Variants in SSBP2 observed in about 807,000 individuals in gnomAD.
The protein encoded by SSBP2 is single stranded DNA binding protein 2.
A neutral mutation model predicts 61.8 loss-of-function variants in SSBP2; 17 were observed. The ratio of observed to expected loss-of-function variants is 0.28; its 90% CI spans 0.19 to 0.41. SSBP2 has a LOEUF of 0.41. SSBP2 is among the 10% of genes least tolerant of loss of function. The pLI is 1.00. For synonymous variants in SSBP2, 139 were observed against 141.3 expected (o/e 0.98, Z 0.12); for missense variants, 310 against 458.7 (o/e 0.68, Z 2.96).
chr5:81,629,911 T>G (rs75213526), intron 3 of SSBP2, among the ~76,000 whole-genome samples: 10,495 of 152,292 alleles, frequency 0.069, 467 homozygotes, highest in Non-Finnish European at 0.1. Flanking sequence ...TATAATACAT[T>G]ATTATTAAAC....
chr5:81,579,028 T>C (rs72773046), intron 4 of SSBP2, among the ~76,000 whole-genome samples: 2,508 of 152,096 alleles, frequency 0.016, 30 homozygotes, highest in Non-Finnish European at 0.026. Context: ...TTAGGCATTT[T>C]TGAGTAGAGC....
intron 5 of SSBP2, among the ~76,000 whole-genome samples, chr5:81,492,587 C>CT (rs879493829): frequency 0.025 from 3,575 of 144,586 alleles, 133 homozygotes; most frequent in African/African-American, 0.076. Context: ...GGGCAACATT[C>CT]TTTTTTTTTT....
chr5:81,635,917 G>A (rs1413253297), intron 3 of SSBP2, among the ~76,000 whole-genome samples: 5 of 152,160 alleles, frequency 3.3e-5, no homozygotes, highest in Admixed American at 2.0e-4. Flanking sequence ...AGAGAGTCAA[G>A]GCTACCAAGC....
At chr5:81,650,552 T>G (rs1477432534) in intron 1 of SSBP2, among the ~76,000 whole-genome samples, 2 of 152,024 alleles carry the variant, frequency 1.3e-5, no homozygotes, top group Non-Finnish European at 2.9e-5. Flanking sequence ...AAAAGACAAA[T>G]GTATTTTTTC....
At chr5:81,731,323 T>C (rs1756249879) in intron 1 of SSBP2, among the ~76,000 whole-genome samples, 1 of 148,534 alleles carries the variant, frequency 6.7e-6, no homozygotes, top group Admixed American at 6.6e-5. Flanking sequence ...GATAAAAAAA[T>C]AGTAATAATA....
At chr5:81,521,037 T>A (rs1273513823) in intron 4 of SSBP2, among the ~76,000 whole-genome samples, 2 of 152,128 alleles carry the variant, frequency 1.3e-5, no homozygotes, top group Non-Finnish European at 2.9e-5. Flanking sequence ...TTTTAAACTT[T>A]ATGGCTATAT....
Position 81,599,644 on chromosome 5 carries a change from C to T in SSBP2, c.282+15829G>A, listed in dbSNP as rs75829045. Among the ~76,000 whole-genome samples, 531 of 152,354 alleles carry T rather than the reference C, an allele frequency of 3.5e-3. 6 individuals are homozygous for T. Among genetic ancestry groups the T allele is most frequent in the African/African-American group, 0.011 (468 of 41,592 alleles). On this transcript the variant is annotated intron_variant, in intron 4 of 16. Transcript: ENST00000320672. ...CACACGCTGTTCCCTCTGTCTAAAACAGCGTTCTTTCACTCAACTGACTCC... is the reference window on the plus strand; with the variant it reads ...CACACGCTGTTCCCTCTGTCTAAAATAGCGTTCTTTCACTCAACTGACTCC...
chr5:81,596,761 G>A (rs1237504436), intron 4 of SSBP2, among the ~76,000 whole-genome samples: 2 of 115,200 alleles, frequency 1.7e-5, no homozygotes, highest in African/African-American at 7.4e-5. Context: ...TTTAATAAAT[G>A]GTGCTGGGAA....
intron 10 of SSBP2, among the ~76,000 whole-genome samples, chr5:81,456,066 A>AT (rs1764123811): frequency 6.6e-6 from 1 of 152,204 alleles, no homozygotes; most frequent in South Asian, 2.1e-4. Flanking sequence ...ATATCAAGAC[A>AT]TTATCTGTGC....
intron 10 of SSBP2, among the ~76,000 whole-genome samples, chr5:81,450,528 C>T (rs1580715974): frequency 6.6e-6 from 1 of 152,260 alleles, no homozygotes; most frequent in Admixed American, 6.5e-5. Flanking sequence ...CACCGCCTTG[C>T]TTTACTTTAC....
intron 7 of SSBP2, 31 bp downstream of exon 7, chr5:81,474,465 A>T: frequency 1.9e-6 from 3 of 1,595,734 alleles, no homozygotes; most frequent in Non-Finnish European, 2.6e-6. Context: ...GGTTCTGCAC[A>T]TCAATTTTCC....
At chr5:81,610,506 C>T (rs181625713) in intron 4 of SSBP2, among the ~76,000 whole-genome samples, 1 of 152,250 alleles carries the variant, frequency 6.6e-6, no homozygotes, top group Admixed American at 6.5e-5. Flanking sequence ...GAGTTTAAAG[C>T]ACCTGATCTT....
At chr5:81,632,088 A>AT (rs958074022) in intron 3 of SSBP2, among the ~76,000 whole-genome samples, 2 of 151,952 alleles carry the variant, frequency 1.3e-5, no homozygotes, top group African/African-American at 4.8e-5. Context: ...AAAACAAATT[A>AT]TTTTTTTTCT....
At chr5:81,716,297 T>G (rs1313038308) in intron 1 of SSBP2, among the ~76,000 whole-genome samples, 1 of 152,168 alleles carries the variant, frequency 6.6e-6, no homozygotes, top group Non-Finnish European at 1.5e-5. Context: ...CGTCCTCCAT[T>G]ACAAGCCTCA....
chr5:81,563,627 C>G (rs1258371176), intron 4 of SSBP2, among the ~76,000 whole-genome samples: 1 of 152,116 alleles, frequency 6.6e-6, no homozygotes, highest in African/African-American at 2.4e-5. Flanking sequence ...AACTGATACT[C>G]ATCAAAGGTG....
At position 81,704,448 on chromosome 5, in the gene SSBP2, TATATACAC is replaced by T. The variant is rs1269051060; in HGVS notation, c.62+46525_62+46532del. On this transcript the variant is annotated intron_variant, in intron 1 of 16. Transcript: ENST00000320672. The stretch of plus-strand genomic sequence containing the variant: ...ATACAGGCACACATGCTCGCACACA[TATATACAC>T]ATGCACACACACATATACACAATAT... 7.9e-5 allele frequency among the ~76,000 whole-genome samples: 12 copies of T among 152,150 alleles called. No individual in the cohort carries two copies. In the South Asian group the frequency reaches 1.2e-3, roughly 16 times the overall value.
At chr5:81,584,498 G>A (rs1007707220) in intron 4 of SSBP2, among the ~76,000 whole-genome samples, 1 of 152,084 alleles carries the variant, frequency 6.6e-6, no homozygotes, top group African/African-American at 2.4e-5. Context: ...TGTTGCAAGA[G>A]AACAAAATAC....
chr5:81,458,738 A>C (rs539545692), intron 10 of SSBP2, among the ~76,000 whole-genome samples: 9 of 152,332 alleles, frequency 5.9e-5, no homozygotes, highest in African/African-American at 1.9e-4. Context: ...ATAAGTTGTC[A>C]CCACAAAATG....
chr5:81,462,831 G>T (rs1764631680), intron 9 of SSBP2, among the ~76,000 whole-genome samples: 1 of 152,046 alleles, frequency 6.6e-6, no homozygotes, highest in Non-Finnish European at 1.5e-5. Flanking sequence ...ACCATATGCA[G>T]ATCCTGGCAA....
Sources: gnomAD v4.1 joint callset for allele counts (sites outside exome capture counted in the v4.1 genomes callset) on GRCh38, gnomAD v4.1.1 for gene constraint, MANE v1.5 for transcripts, NCBI Gene and HGNC (gene_info 2026-07-23, HGNC 2026-07-21) for gene names.